CALN1: variants seen among roughly 807,000 people sequenced by gnomAD.
The protein encoded by CALN1 is calcium-binding protein 8.
In CALN1, 17 loss-of-function variants were observed where a neutral mutation model predicts 30.6. The ratio of observed to expected loss-of-function variants is 0.56; its 90% CI spans 0.38 to 0.83. CALN1 has a LOEUF of 0.83. CALN1 is among the 40% of genes least tolerant of loss of function. The pLI is 0.00. For missense variants in CALN1, 291 were observed against 354.9 expected (o/e 0.82, Z 1.45); for synonymous variants, 156 against 131.4 (o/e 1.19, Z -1.28).
intron 1 of CALN1, among the ~76,000 whole-genome samples, chr7:72,408,987 CTTT>C (rs1031883332): frequency 1.3e-5 from 2 of 151,072 alleles, no homozygotes; most frequent in Non-Finnish European, 2.9e-5. Flanking sequence ...CCCAAGTATA[CTTT>C]TTTTGGGGCA....
At chr7:72,295,387 C>T (rs889220603) in intron 2 of CALN1, among the ~76,000 whole-genome samples, 2 of 151,846 alleles carry the variant, frequency 1.3e-5, no homozygotes, top group African/African-American at 4.8e-5. Flanking sequence ...TAGTTTTTTC[C>T]AATTCTGTGA....
At chr7:71,858,288 T>C (rs1729200612) in intron 5 of CALN1, among the ~76,000 whole-genome samples, 1 of 152,156 alleles carries the variant, frequency 6.6e-6, no homozygotes, top group African/African-American at 2.4e-5. Context: ...GATTGTAAGT[T>C]TCCTGAGGCC....
At chr7:71,905,888 G>T (rs1289437938) in intron 5 of CALN1, among the ~76,000 whole-genome samples, 1 of 152,148 alleles carries the variant, frequency 6.6e-6, no homozygotes, top group Non-Finnish European at 1.5e-5. Context: ...GGCTGAGGAG[G>T]CCTCAGGAAA....
Position 72,306,313 on chromosome 7 carries a change from TTAAG to T in CALN1, c.120-27507_120-27504del, listed in dbSNP as rs1440592277. The stretch of plus-strand genomic sequence containing the variant: ...CCAGGCCCTCCCAATCCTGAAGAGA[TTAAG>T]TAAGAGTCTAGCAATTTTTTAAAGG... On this transcript the variant is annotated intron_variant, in intron 2 of 6. Transcript: ENST00000395275. 6.6e-5 allele frequency among the ~76,000 whole-genome samples: 10 copies of T among 152,270 alleles called. No homozygotes were observed. In the East Asian group the frequency reaches 1.2e-3, roughly 18 times the overall value.
At chr7:72,429,026 T>C (rs1246416736) in intron 1 of CALN1, among the ~76,000 whole-genome samples, 2 of 152,158 alleles carry the variant, frequency 1.3e-5, no homozygotes, top group Non-Finnish European at 2.9e-5. Flanking sequence ...CCGGCCTGGC[T>C]AACTTGGTAC....
At chr7:72,321,420 T>C (rs181583412) in intron 2 of CALN1, among the ~76,000 whole-genome samples, 83 of 152,334 alleles carry the variant, frequency 5.4e-4, no homozygotes, top group African/African-American at 1.9e-3. Context: ...TACAACAAGC[T>C]GAACATATTC....
chr7:72,338,482 T>TGC (rs1802212226), intron 2 of CALN1, among the ~76,000 whole-genome samples: 3 of 123,552 alleles, frequency 2.4e-5, no homozygotes, highest in Non-Finnish European at 5.0e-5. Flanking sequence ...TGTGTGTGTG[T>TGC]GTGTGTGTGT....
intron 2 of CALN1, among the ~76,000 whole-genome samples, chr7:72,343,983 G>C (rs1169432632): frequency 6.6e-6 from 1 of 152,092 alleles, no homozygotes; most frequent in Non-Finnish European, 1.5e-5. Flanking sequence ...GCCTCACTCA[G>C]CAGCTTTGCA....
At chr7:72,014,086 T>C (rs1487128950) in intron 5 of CALN1, among the ~76,000 whole-genome samples, 1 of 107,194 alleles carries the variant, frequency 9.3e-6, no homozygotes, top group Non-Finnish European at 2.2e-5. Context: ...GAGTTGGCTC[T>C]TTTTTTTTTT....
intron 3 of CALN1, among the ~76,000 whole-genome samples, chr7:72,137,977 T>C (rs140067379): frequency 6.6e-6 from 1 of 152,344 alleles, no homozygotes; most frequent in East Asian, 1.9e-4. Context: ...CTTTGTACTG[T>C]TCATGCAACT....
intron 5 of CALN1, among the ~76,000 whole-genome samples, chr7:71,860,463 T>C (rs1353012247): frequency 2.0e-5 from 3 of 152,178 alleles, no homozygotes; most frequent in Non-Finnish European, 4.4e-5. Context: ...AGTGCTGGGA[T>C]TACAGGCATG....
chr7:72,012,154 G>A (rs997757389), intron 5 of CALN1, among the ~76,000 whole-genome samples: 4 of 152,158 alleles, frequency 2.6e-5, no homozygotes, highest in Admixed American at 6.5e-5. Flanking sequence ...ACCTACAGCC[G>A]CTGGTCAGCT....
At chr7:71,926,084 C>G (rs1000188342) in intron 5 of CALN1, among the ~76,000 whole-genome samples, 1 of 152,136 alleles carries the variant, frequency 6.6e-6, no homozygotes, top group Non-Finnish European at 1.5e-5. Context: ...GCCTTGAAGC[C>G]TCAGTTTGGC....
Position 72,151,708 on chromosome 7 carries a change from T to G in CALN1, c.245-45414A>C, listed in dbSNP as rs557397192. ...ATGTGCCTGCCCAGCAGATATCGTT[T>G]TTGTTGTTGTTGTTGTTGTTAGAGA... On this transcript the variant is annotated intron_variant, in intron 3 of 6. Coordinates refer to ENST00000395275, the MANE Select transcript of CALN1 (RefSeq NM_031468.4). Among the ~76,000 whole-genome samples the G allele has an allele frequency of 9.4e-4, 142 of 151,786 alleles. 1 individual carries two copies. In the Middle Eastern group the frequency reaches 0.01, roughly 11 times the overall value.
intron 4 of CALN1, among the ~76,000 whole-genome samples, chr7:72,047,582 T>C (rs1802552499): frequency 6.6e-6 from 1 of 152,082 alleles, no homozygotes; most frequent in Admixed American, 6.6e-5. Flanking sequence ...GAGCAAAACC[T>C]TGTCTCAATA....
intron 3 of CALN1, among the ~76,000 whole-genome samples, chr7:72,202,000 C>G (rs1363836473): frequency 6.6e-6 from 1 of 152,154 alleles, no homozygotes; most frequent in African/African-American, 2.4e-5. Flanking sequence ...AAAACCATAT[C>G]ACAAAGTCTC....
At chr7:72,243,539 A>G (rs1212565373) in intron 3 of CALN1, among the ~76,000 whole-genome samples, 1 of 152,128 alleles carries the variant, frequency 6.6e-6, no homozygotes, top group East Asian at 1.9e-4. Flanking sequence ...TTGGGGACTA[A>G]GAGAAACAGC....
intron 3 of CALN1, among the ~76,000 whole-genome samples, chr7:72,266,039 T>C (rs1796572931): frequency 6.6e-6 from 1 of 151,014 alleles, no homozygotes; most frequent in South Asian, 2.1e-4. Flanking sequence ...GAGGCTGAGG[T>C]GGGAGGGTCG....
chr7:72,420,621 CT>C (rs1162542514), intron 1 of CALN1, among the ~76,000 whole-genome samples: 1,588 of 131,286 alleles, frequency 0.012, 9 homozygotes, highest in African/African-American at 0.039. Flanking sequence ...CTGGATGCAT[CT>C]TTTTTTTTTT....
Sources: gnomAD v4.1 joint callset for allele counts (sites outside exome capture counted in the v4.1 genomes callset) on GRCh38, gnomAD v4.1.1 for gene constraint, MANE v1.5 for transcripts, NCBI Gene and HGNC (gene_info 2026-07-23, HGNC 2026-07-21) for gene names.